The following TMEM38B variants were observed in gnomAD, a reference collection of about 807,000 sequenced individuals.
The protein encoded by TMEM38B is transmembrane protein 38B, also known as trimeric intracellular cation channel type B.
In TMEM38B, 24 loss-of-function variants were observed where a neutral mutation model predicts 28.7. The observed-to-expected ratio is 0.84, with a 90% CI of 0.61 to 1.18. The LOEUF (loss-of-function observed/expected upper bound fraction) is 1.18. Ranked by LOEUF, TMEM38B falls within the 50% of genes most tolerant of loss-of-function variation. TMEM38B has a pLI of 0.00. For synonymous variants in TMEM38B, 131 were observed against 127.7 expected, an observed-to-expected ratio of 1.03 and a Z score of -0.17; for missense variants, 380 against 350.9, an observed-to-expected ratio of 1.08 and a Z score of -0.66.
At chr9:105,766,005 A>G (rs938618629) in intron 5 of TMEM38B, among the ~76,000 whole-genome samples, 5 of 151,886 alleles carry the variant, frequency 3.3e-5, no homozygotes, top group African/African-American at 4.8e-5. Flanking sequence ...GTTTCACCAT[A>G]TTAGCCAGAA....
At chr9:105,743,939 T>C (rs1229629638) in intron 4 of TMEM38B, among the ~76,000 whole-genome samples, 3 of 152,202 alleles carry the variant, frequency 2.0e-5, no homozygotes, top group Non-Finnish European at 4.4e-5. Flanking sequence ...TATAGAAATG[T>C]ACTCTTTTTG....
At chr9:105,703,124 A>G (rs1460526310) in intron 1 of TMEM38B, among the ~76,000 whole-genome samples, 1 of 152,248 alleles carries the variant, frequency 6.6e-6, no homozygotes, top group Non-Finnish European at 1.5e-5. Flanking sequence ...CGTATTTCAA[A>G]CATCTTAAGG....
intron 5 of TMEM38B, among the ~76,000 whole-genome samples, chr9:105,751,177 A>G (rs994871677): frequency 1.3e-5 from 2 of 152,322 alleles, no homozygotes; most frequent in South Asian, 4.1e-4. Flanking sequence ...CAACTGAAAT[A>G]GCCAAGTTCT....
chr9:105,725,033 T>C (rs1446450223), intron 4 of TMEM38B, among the ~76,000 whole-genome samples: 1 of 152,178 alleles, frequency 6.6e-6, no homozygotes. Flanking sequence ...TACTCCATGC[T>C]TGAGCAAGTC....
At chr9:105,757,688 G>A (rs1288729036) in intron 5 of TMEM38B, among the ~76,000 whole-genome samples, 1 of 152,198 alleles carries the variant, frequency 6.6e-6, no homozygotes, top group Non-Finnish European at 1.5e-5. Context: ...AAAGCATAAG[G>A]AACGGTAAAG....
At chr9:105,710,871 GGGCT>G in intron 2 of TMEM38B, 1 of 324,102 alleles carries the variant, frequency 3.1e-6, no homozygotes, top group Non-Finnish European at 6.0e-6. Flanking sequence ...CACAGCCAGA[GGGCT>G]CCGCTATGGC....
intron 2 of TMEM38B, among the ~76,000 whole-genome samples, chr9:105,711,443 A>G (rs972036699): frequency 1.3e-4 from 20 of 152,236 alleles, no homozygotes; most frequent in African/African-American, 4.6e-4. Context: ...TCTGTCTCAA[A>G]AAAAAAGAAA....
Position 105,775,268 on chromosome 9 carries a change from G to T in TMEM38B, c.*1188G>T, listed in dbSNP as rs1354848458. On this transcript the variant is annotated 3_prime_UTR_variant, in exon 6 of 6. Transcript: ENST00000374692. ...TCATATGGCAGTCCATTTAGATGAA[G>T]AATGATGATATAAAATCTGGTTCCT... 6.6e-6 allele frequency: 1 copy of T among 152,016 alleles called. No individual in the cohort carries two copies. Among genetic ancestry groups the T allele is most frequent in the Non-Finnish European group, 1.5e-5 (1 of 67,942 alleles). 9.4% of individuals were successfully genotyped at this position (152,016 alleles called of 1,614,324 possible).
At chr9:105,724,452 G>A (rs1305790109) in intron 4 of TMEM38B, among the ~76,000 whole-genome samples, 1 of 151,900 alleles carries the variant, frequency 6.6e-6, no homozygotes, top group Non-Finnish European at 1.5e-5. Flanking sequence ...GTGAAACCCC[G>A]TCTCTACTAA....
At chr9:105,745,414 G>A (rs1387764326) in intron 4 of TMEM38B, among the ~76,000 whole-genome samples, 3 of 152,110 alleles carry the variant, frequency 2.0e-5, no homozygotes, top group African/African-American at 2.4e-5. Flanking sequence ...CGTATCCTTC[G>A]CTCACTTGTT....
At chr9:105,736,741 T>C (rs185165183) in intron 4 of TMEM38B, among the ~76,000 whole-genome samples, 84 of 152,334 alleles carry the variant, frequency 5.5e-4, no homozygotes, top group African/African-American at 1.9e-3. Context: ...TCTTCCAAAC[T>C]TTACATAGTG....
In TMEM38B at chr9:105,764,499, G is replaced by A. The variant is rs12341979; in HGVS notation, c.661-9366G>A. Among the ~76,000 whole-genome samples, 15 of 152,234 alleles carry A rather than the reference G, an allele frequency of 9.9e-5. No homozygotes were observed. In the East Asian group the frequency reaches 1.4e-3, roughly 14 times the overall value. ...CATTCACAATTGCTTCAAAGAGAAT[G>A]AAATACCTAGGAATCCAACTTACAA... On this transcript the variant is annotated intron_variant, in intron 5 of 5. Transcript: ENST00000374692.
intron 5 of TMEM38B, among the ~76,000 whole-genome samples, chr9:105,768,298 G>T (rs1171227803): frequency 2.0e-5 from 3 of 151,994 alleles, no homozygotes; most frequent in Non-Finnish European, 2.9e-5. Context: ...TCATGATGCG[G>T]TATCCTTTTT....
intron 2 of TMEM38B, among the ~76,000 whole-genome samples, chr9:105,710,981 C>G (rs112239238): frequency 5.3e-5 from 8 of 152,276 alleles, no homozygotes; most frequent in South Asian, 2.1e-4. Flanking sequence ...CCCGCAAGAT[C>G]ACCAGGCAGC....
intron 1 of TMEM38B, 23 bp from the exon 2 acceptor site, chr9:105,705,574 C>A (rs1287142693): frequency 1.1e-5 from 17 of 1,601,306 alleles, no homozygotes; most frequent in Middle Eastern, 1.7e-4. Context: ...GATCACAGAC[C>A]ATATTTTACT....
intron 2 of TMEM38B, among the ~76,000 whole-genome samples, chr9:105,713,936 A>G (rs1836000720): frequency 9.0e-6 from 1 of 111,412 alleles, no homozygotes; most frequent in South Asian, 2.6e-4. Context: ...CTCTGCTGAG[A>G]GCTGTAGACA....
intron 2 of TMEM38B, among the ~76,000 whole-genome samples, chr9:105,708,397 C>T (rs1835760619): frequency 6.6e-6 from 1 of 152,090 alleles, no homozygotes; most frequent in Non-Finnish European, 1.5e-5. Context: ...TATATAGGGG[C>T]TCTCACATTC....
At chr9:105,717,862 A>G (rs1836167185) in intron 2 of TMEM38B, among the ~76,000 whole-genome samples, 2 of 152,174 alleles carry the variant, frequency 1.3e-5, no homozygotes, top group African/African-American at 4.8e-5. Context: ...ATTACATAGC[A>G]TTTACTGTGT....
chr9:105,725,285 C>T (rs1836468362), intron 4 of TMEM38B, among the ~76,000 whole-genome samples: 1 of 151,102 alleles, frequency 6.6e-6, no homozygotes, highest in Non-Finnish European at 1.5e-5. Flanking sequence ...CTTGGCTCCT[C>T]CTCCCACCCT....
Sources: gnomAD v4.1 joint callset for allele counts (sites outside exome capture counted in the v4.1 genomes callset) on GRCh38, gnomAD v4.1.1 for gene constraint, MANE v1.5 for transcripts, NCBI Gene and HGNC (gene_info 2026-07-23, HGNC 2026-07-21) for gene names.